The following CCNH variants were observed in gnomAD, a reference collection of about 807,000 sequenced individuals.
The protein encoded by CCNH is cyclin H.
In CCNH, 31 loss-of-function variants were observed where a neutral mutation model predicts 41.9. The ratio of observed to expected loss-of-function variants is 0.74; its 90% CI spans 0.56 to 1.00. The LOEUF is 1.00. Among genes scored for constraint, CCNH ranks in the 50% least tolerant of loss-of-function variants. CCNH has a pLI of 0.00. For missense variants in CCNH, 362 were observed against 388.4 expected (o/e 0.93, Z 0.57); for synonymous variants, 138 against 136.1 (o/e 1.01, Z -0.10).
Position 87,363,512 on chromosome 5 carries a change from A to G in CCNH, c.*90+29258T>C. On this transcript the variant is annotated intron_variant and NMD_transcript_variant, in intron 9 of 9. Coordinates refer to the CCNH transcript ENST00000645953. Reference sequence around the variant, plus strand: ...TGATAGTCTCTTTGGCAGGTAAGAGACTGGTTTCCTATTTTTCTTTCGGAA... The same window carrying G: ...TGATAGTCTCTTTGGCAGGTAAGAGGCTGGTTTCCTATTTTTCTTTCGGAA... 2 of 1,609,180 alleles carry G rather than the reference A, an allele frequency of 1.2e-6. No individual in the cohort carries two copies. The highest frequency in any genetic ancestry group is 2.2e-5 in the South Asian group (2 of 90,972).
chr5:87,327,743 T>C (rs1757330426), intron 9 of CCNH, among the ~76,000 whole-genome samples: 1 of 152,170 alleles, frequency 6.6e-6, no homozygotes, highest in Non-Finnish European at 1.5e-5. Flanking sequence ...GGCAGGCAGA[T>C]TACCTGAGGT....
chr5:87,389,831 ATTT>A (rs1037278711), downstream of CCNH, among the ~76,000 whole-genome samples: 1 of 151,380 alleles, frequency 6.6e-6, no homozygotes, highest in East Asian at 1.9e-4. Flanking sequence ...TATTGATTTT[ATTT>A]TTTTTTCTTT....
At chr5:87,322,580 T>G (rs1452247545) in intron 9 of CCNH, among the ~76,000 whole-genome samples, 1 of 152,024 alleles carries the variant, frequency 6.6e-6, no homozygotes, top group African/African-American at 2.4e-5. Context: ...ATGTGCTAGC[T>G]CTCCCTTTGC....
downstream of CCNH, among the ~76,000 whole-genome samples, chr5:87,316,112 G>A (rs1169910909): frequency 6.6e-6 from 1 of 152,170 alleles, no homozygotes; most frequent in Non-Finnish European, 1.5e-5. Context: ...GTGCTAGAAT[G>A]CTCTGAGACC....
chr5:87,378,473 C>T (rs1396225514), upstream of CCNH: 1 of 1,612,092 alleles, frequency 6.2e-7, no homozygotes, highest in Non-Finnish European at 8.5e-7. Flanking sequence ...CACTGCTACA[C>T]AGTTTGTTCA....
At chr5:87,380,706 A>G (rs978924283), upstream of CCNH, 2 of 1,017,624 alleles carry the variant, frequency 2.0e-6, no homozygotes, top group Non-Finnish European at 3.0e-6. Flanking sequence ...CTTTTATGTC[A>G]AAGCCCTGTT....
intron 5 of CCNH, 76 bp from the exon 6 acceptor site, chr5:87,401,848 C>A: frequency 1.1e-6 from 1 of 871,864 alleles, no homozygotes; most frequent in Non-Finnish European, 1.7e-6. Context: ...AAATTATTTT[C>A]CTCCATCCTC....
intron 7 of CCNH, among the ~76,000 whole-genome samples, chr5:87,396,287 C>A (rs1308670508): frequency 6.6e-6 from 1 of 152,114 alleles, no homozygotes; most frequent in Non-Finnish European, 1.5e-5. Context: ...CCCATGGATA[C>A]TGAAGGATGA....
At chr5:87,349,304 G>C in intron 9 of CCNH, 1 of 1,612,050 alleles carries the variant, frequency 6.2e-7, no homozygotes, top group Non-Finnish European at 8.5e-7. Context: ...AATATTCAGC[G>C]ATTTAAAATA....
chr5:87,379,515 T>C (rs1761557134), upstream of CCNH, among the ~76,000 whole-genome samples: 1 of 152,224 alleles, frequency 6.6e-6, no homozygotes, highest in Non-Finnish European at 1.5e-5. Context: ...ACTGTTTGCT[T>C]TTCAGTTGGC....
intron 9 of CCNH, among the ~76,000 whole-genome samples, chr5:87,382,296 T>A (rs1246557828): frequency 6.6e-6 from 1 of 152,216 alleles, no homozygotes; most frequent in Non-Finnish European, 1.5e-5. Context: ...GTAACATCTT[T>A]ACTTTCTAAG....
downstream of CCNH, chr5:87,372,046 A>AT (rs1760987891): frequency 1.4e-6 from 2 of 1,438,134 alleles, no homozygotes; most frequent in South Asian, 2.5e-5. Context: ...TTTGAAAAAA[A>AT]AAACCTAACT....
chr5:87,328,262 C>T (rs1271262510), intron 9 of CCNH, among the ~76,000 whole-genome samples: 1 of 152,066 alleles, frequency 6.6e-6, no homozygotes, highest in African/African-American at 2.4e-5. Context: ...AGAGTATTCT[C>T]ATACCACCAG....
chr5:87,378,498 A>G, upstream of CCNH: 1 of 1,611,906 alleles, frequency 6.2e-7, no homozygotes, highest in Non-Finnish European at 8.5e-7. Context: ...GCTTTGAAAG[A>G]CTCTATTTTA....
chr5:87,359,259 G>C (rs186761631), intron 9 of CCNH, among the ~76,000 whole-genome samples: 138 of 152,250 alleles, frequency 9.1e-4, no homozygotes, highest in African/African-American at 3.0e-3. Flanking sequence ...TTCTAGGGAA[G>C]AGCTTGGTTC....
intron 9 of CCNH, among the ~76,000 whole-genome samples, chr5:87,382,796 T>C (rs1761810240): frequency 6.6e-6 from 1 of 152,124 alleles, no homozygotes; most frequent in Non-Finnish European, 1.5e-5. Context: ...TCTTAAAAGT[T>C]TTTCAGGCTG....
intron 9 of CCNH, among the ~76,000 whole-genome samples, chr5:87,324,160 A>G (rs1213731922): frequency 6.6e-6 from 1 of 152,176 alleles, no homozygotes; most frequent in Non-Finnish European, 1.5e-5. Flanking sequence ...TTGAAGTTCT[A>G]AGAAAAACCC....
downstream of CCNH, chr5:87,372,248 T>C: frequency 1.3e-6 from 2 of 1,513,594 alleles, no homozygotes; most frequent in Non-Finnish European, 1.8e-6. Flanking sequence ...TCTAACACTT[T>C]GCTCTTTTTA....
intron 9 of CCNH, among the ~76,000 whole-genome samples, chr5:87,338,536 A>ATATATATATATATTTTTTTTTTT: frequency 1.2e-5 from 1 of 85,216 alleles, no homozygotes; most frequent in African/African-American, 4.4e-5. Context: ...TATATATAAA[A>ATATATATATATATTTTTTTTTTT]TTTTTTTTTT....
Sources: gnomAD v4.1 joint callset for allele counts (sites outside exome capture counted in the v4.1 genomes callset) on GRCh38, gnomAD v4.1.1 for gene constraint, MANE v1.5 for transcripts, NCBI Gene and HGNC (gene_info 2026-07-23, HGNC 2026-07-21) for gene names.